NFYC: variants seen among roughly 807,000 people sequenced by gnomAD.
The protein encoded by NFYC is CAAT box DNA-binding protein subunit C.
NFYC carries 25 observed loss-of-function variants against 53.1 expected under a neutral mutation model. The ratio of observed to expected loss-of-function variants is 0.47; its 90% confidence interval spans 0.34 to 0.66. NFYC has a LOEUF of 0.66. Among genes scored for constraint, NFYC ranks in the 30% least tolerant of loss-of-function variants. The probability of loss-of-function intolerance (pLI) is 0.01; values close to 1 mark genes in which losing one functional copy is unlikely to be tolerated. For missense variants in NFYC, 260 were observed against 422.7 expected, an observed-to-expected ratio of 0.62 and a Z score of 3.38; for synonymous variants, 145 against 152.6, an observed-to-expected ratio of 0.95 and a Z score of 0.37.
Position 40,747,599 on chromosome 1 carries a change from T to A in NFYC, c.171T>A (p.Asp57Glu). ...AGAAGATTATGAAACTGGATGAAGA[T>A]GTGAAGGTGAATTCACATTCATTTT... Reference protein sequence around the residue: ...RIKKIMKLDEDVKMISAEAPV... With the variant: ...RIKKIMKLDEEVKMISAEAPV... The change falls in exon 3 of 10, where the codon GAT (aspartate) becomes GAA (glutamate). Residue 57 changes from aspartate (D) to glutamate (E), a missense_variant. By Grantham distance (45) the Asp-to-Glu change is conservative (BLOSUM62 2). Coordinates refer to ENST00000447388, the MANE Select transcript of NFYC (RefSeq NM_014223.5). 3 of 1,607,400 alleles carry A rather than the reference T, an allele frequency of 1.9e-6. No homozygotes were observed. The highest frequency in any genetic ancestry group is 2.6e-6 in the Non-Finnish European group (3 of 1,174,174).
intron 7 of NFYC, among the ~76,000 whole-genome samples, chr1:40,764,505 T>C (rs983012334): frequency 3.9e-5 from 6 of 152,246 alleles, no homozygotes. Context: ...TTCTCATTTT[T>C]GCAAGCGAAG....
At chr1:40,761,827 A>G (rs1208854000) in intron 6 of NFYC, among the ~76,000 whole-genome samples, 1 of 152,178 alleles carries the variant, frequency 6.6e-6, no homozygotes, top group Non-Finnish European at 1.5e-5. Context: ...CTTCTTATTG[A>G]GGTGATTAAT....
chr1:40,771,415 A>G lies in NFYC; in HGVS notation c.*587A>G. The G allele has an allele frequency of 2.1e-6, 1 of 470,606 alleles. No homozygotes were observed. The highest frequency in any genetic ancestry group is 4.4e-6 in the Non-Finnish European group (1 of 226,830). 29.2% of individuals were successfully genotyped at this position (470,606 alleles called of 1,614,324 possible). A position where few individuals can be genotyped will look rare whatever the true frequency, so the allele number is the denominator to read the frequency against. On this transcript the variant is annotated 3_prime_UTR_variant, in exon 10 of 10. Transcript: ENST00000447388. The stretch of plus-strand genomic sequence containing the variant: ...GAAACATTCTTTGCATTTAAGAGAC[A>G]GATTTATTCCCTGTGGAGAGTGGGT...
chr1:40,767,208 T>G, intron 8 of NFYC: 3 of 509,980 alleles, frequency 5.9e-6, no homozygotes, highest in Admixed American at 3.2e-5. Context: ...GTGAGGGGGC[T>G]GCCTCCCTGG....
intron 1 of NFYC, among the ~76,000 whole-genome samples, chr1:40,728,367 C>T (rs1027654848): frequency 2.0e-5 from 3 of 152,084 alleles, no homozygotes; most frequent in African/African-American, 4.8e-5. Flanking sequence ...GAGGCTGAGG[C>T]GGGCGGATTA....
At chr1:40,724,112 G>A (rs139947338) in intron 1 of NFYC, among the ~76,000 whole-genome samples, 1 of 152,338 alleles carries the variant, frequency 6.6e-6, no homozygotes, top group African/African-American at 2.4e-5. Flanking sequence ...GCTCACGCCT[G>A]TAATCCCAGC....
rs1266890146 is a variant in NFYC at position 40,699,171 on chromosome 1, AAAAC to A, written c.-9+7308_-9+7311del. 6.0e-5 allele frequency among the ~76,000 whole-genome samples: 8 copies of A among 133,576 alleles called. No homozygotes were observed. The East Asian group carries it at 1.5e-3, about 25-fold the overall frequency. The allele number at this position is 133,576 out of a possible 152,430, so 87.6% of individuals were successfully genotyped here. ...GACAGGGTGAGACTGTCTCCAAAAAAAAACAAAACAAAACCAAAAAAGGAATGAG... is the reference window on the plus strand; with the variant it reads ...GACAGGGTGAGACTGTCTCCAAAAAAAAAACAAAACCAAAAAAGGAATGAG... On this transcript the variant is annotated intron_variant, in intron 1 of 9. Transcript: ENST00000447388.
chr1:40,771,159 G>C lies in NFYC; in HGVS notation c.*331G>C, dbSNP rs944565588. ...TGGTTGAAGAAATATTTCTCCTTTTGTTTTTCTTTTTTTTTTGTTTGTTAC... is the reference window on the plus strand; with the variant it reads ...TGGTTGAAGAAATATTTCTCCTTTTCTTTTTCTTTTTTTTTTGTTTGTTAC... On this transcript the variant is annotated 3_prime_UTR_variant, in exon 10 of 10. Coordinates refer to ENST00000447388, the MANE Select transcript of NFYC (RefSeq NM_014223.5). The C allele has an allele frequency of 3.3e-5, 12 of 360,172 alleles. No individual in the cohort carries two copies. Among genetic ancestry groups the C allele is most frequent in the African/African-American group, 2.1e-4 (10 of 47,212 alleles). The allele number at this position is 360,172 out of a possible 1,614,324, so 22.3% of individuals were successfully genotyped here.
intron 1 of NFYC, among the ~76,000 whole-genome samples, chr1:40,732,025 A>C (rs947682801): frequency 6.6e-6 from 1 of 152,226 alleles, no homozygotes; most frequent in Non-Finnish European, 1.5e-5. Flanking sequence ...GGGAGGACTT[A>C]ACTTTGCTTT....
In NFYC at chr1:40,698,475, G is replaced by A. The variant is rs555463543; in HGVS notation, c.-9+6608G>A. On this transcript the variant is annotated intron_variant, in intron 1 of 9. Coordinates refer to ENST00000447388, the MANE Select transcript of NFYC (RefSeq NM_014223.5). ...GGAGTCTTGCTCTGTCGCCCAGGCT[G>A]GAGTGCAGTGACATGACCTCGGCTC... Among the ~76,000 whole-genome samples the A allele has an allele frequency of 6.6e-5, 10 of 151,980 alleles. 1 individual carries two copies. Among genetic ancestry groups the A allele is most frequent in the African/African-American group, 2.4e-4 (10 of 41,496 alleles).
chr1:40,715,964 G>A (rs952705028), intron 1 of NFYC, among the ~76,000 whole-genome samples: 1 of 152,082 alleles, frequency 6.6e-6, no homozygotes, highest in African/African-American at 2.4e-5. Context: ...CTACCGTTTT[G>A]GTCTGTTTCC....
chr1:40,712,087 T>TA (rs1476180484), intron 1 of NFYC, among the ~76,000 whole-genome samples: 1 of 152,226 alleles, frequency 6.6e-6, no homozygotes, highest in Non-Finnish European at 1.5e-5. Flanking sequence ...TATTAGTTGT[T>TA]ACTAATCCAG....
chr1:40,754,558 T>G (rs937374135), intron 5 of NFYC: 5 of 392,964 alleles, frequency 1.3e-5, no homozygotes, highest in Non-Finnish European at 2.1e-5. Flanking sequence ...CAACAAGAAC[T>G]CAGGCCATTT....
Position 40,771,226 on chromosome 1 carries a change from G to T in NFYC, c.*398G>T. ...GAGCAAATCTCCCCAGGGGTGTACGGTATTTCTTGACTCTGGGAACAGCTG... is the reference window on the plus strand; with the variant it reads ...GAGCAAATCTCCCCAGGGGTGTACGTTATTTCTTGACTCTGGGAACAGCTG... On this transcript the variant is annotated 3_prime_UTR_variant, in exon 10 of 10. Coordinates refer to ENST00000447388, the MANE Select transcript of NFYC (RefSeq NM_014223.5). 2 of 312,178 alleles carry T rather than the reference G, an allele frequency of 6.4e-6. No homozygotes were observed. Among genetic ancestry groups the T allele is most frequent in the Non-Finnish European group, 1.3e-5 (2 of 159,774 alleles). 19.3% of individuals were successfully genotyped at this position (312,178 alleles called of 1,614,324 possible).
intron 1 of NFYC, among the ~76,000 whole-genome samples, chr1:40,737,163 A>G (rs1018248488): frequency 2.7e-4 from 41 of 151,350 alleles, no homozygotes; most frequent in African/African-American, 9.5e-4. Context: ...AAAATCCCAG[A>G]CATTTCTGGT....
At position 40,740,733 on chromosome 1, in the gene NFYC, T is replaced by C. The variant is rs532536170; in HGVS notation, c.105+1785T>C. Among the ~76,000 whole-genome samples the C allele has an allele frequency of 3.9e-5, 6 of 152,346 alleles. No homozygotes were observed. In the South Asian group the frequency reaches 1.2e-3, roughly 32 times the overall value. ...GGGGTTAATCTCATGATTAAGCTTA[T>C]CAGCTTTTGGTGCTGGGGTCAGCTT... On this transcript the variant is annotated intron_variant, in intron 2 of 9. Coordinates refer to ENST00000447388, the MANE Select transcript of NFYC (RefSeq NM_014223.5).
In NFYC at chr1:40,738,855, A is replaced by C; in HGVS notation, c.12A>C (p.Glu4Asp). The C allele has an allele frequency of 1.9e-6, 3 of 1,613,970 alleles. No homozygotes were observed. Among genetic ancestry groups the C allele is most frequent in the Non-Finnish European group, 2.5e-6 (3 of 1,179,830 alleles). MST[E>D]GGFGGTSSSD... is the part of the protein sequence containing the mutation. Reference sequence around the variant, plus strand: ...TTTCAGTTGTCGAGATGTCCACAGAAGGAGGATTTGGTGGTACTAGCAGCA... The same window carrying C: ...TTTCAGTTGTCGAGATGTCCACAGACGGAGGATTTGGTGGTACTAGCAGCA... The change falls in exon 2 of 10, where the codon GAA (glutamate) becomes GAC (aspartate). Residue 4 changes from glutamate to aspartate, a missense_variant. Transcript: ENST00000447388.
intron 1 of NFYC, among the ~76,000 whole-genome samples, chr1:40,714,726 C>CT (rs1644060884): frequency 6.6e-6 from 1 of 151,952 alleles, no homozygotes; most frequent in Non-Finnish European, 1.5e-5. Context: ...GCAGTCCTCC[C>CT]ACCTCAGCCT....
intron 1 of NFYC, among the ~76,000 whole-genome samples, chr1:40,713,527 C>G (rs1644013694): frequency 6.6e-6 from 1 of 152,184 alleles, no homozygotes; most frequent in Non-Finnish European, 1.5e-5. Flanking sequence ...ACATGGCTGT[C>G]TTCATGAATG....
Sources: allele counts gnomAD v4.1 joint callset (sites outside exome capture counted in the v4.1 genomes callset), GRCh38; gene constraint gnomAD v4.1.1; transcripts MANE v1.5; gene names NCBI Gene and HGNC (gene_info 2026-07-23, HGNC 2026-07-21).